C9: variants seen among roughly 807,000 people sequenced by gnomAD.
C9 encodes complement C9.
Under a neutral mutation model 65.4 loss-of-function variants are expected in C9, and 63 were observed. The observed-to-expected ratio is 0.96, with a 90% CI of 0.79 to 1.19. The LOEUF (loss-of-function observed/expected upper bound fraction) is 1.19. C9 is among the 50% of genes most tolerant of loss of function. The pLI, the probability that C9 is intolerant of heterozygous loss-of-function variation, is 0.00. For missense variants in C9, 744 were observed against 670.1 expected (o/e 1.11, Z -1.22); for synonymous variants, 229 against 227.9 (o/e 1.00, Z -0.04).
chr5:39,355,290 A>T (rs1754395308), intron 1 of C9, among the ~76,000 whole-genome samples: 1 of 152,152 alleles, frequency 6.6e-6, no homozygotes, highest in African/African-American at 2.4e-5. Context: ...TCTAGAACCC[A>T]ACCAGGGCTA....
intron 9 of C9, among the ~76,000 whole-genome samples, chr5:39,303,735 G>A (rs2111870120): frequency 6.6e-6 from 1 of 152,018 alleles, no homozygotes; most frequent in East Asian, 1.9e-4. Flanking sequence ...TCTGCATAGG[G>A]ATTTTGACAT....
At chr5:39,316,991 A>G (rs1275539945) in intron 5 of C9, among the ~76,000 whole-genome samples, 1 of 152,160 alleles carries the variant, frequency 6.6e-6, no homozygotes, top group Non-Finnish European at 1.5e-5. Flanking sequence ...CTTTTCCTCT[A>G]TAACCTTGCC....
At chr5:39,285,420 T>C (rs1752973611) in intron 10 of C9, among the ~76,000 whole-genome samples, 187 bp from the exon 11 acceptor site, 1 of 152,104 alleles carries the variant, frequency 6.6e-6, no homozygotes, top group Non-Finnish European at 1.5e-5. Context: ...CTATTTGTCT[T>C]GTATACAGAG....
In C9 at chr5:39,290,277, A is replaced by G. The variant is rs185180758; in HGVS notation, c.1417-1326T>C. On this transcript the variant is annotated intron_variant, in intron 9 of 10. Coordinates refer to ENST00000263408, the MANE Select transcript of C9 (RefSeq NM_001737.5). ...AAAAAGTTCTTATAATGGAGATATC[A>G]TAACATATACAGGGAAATTTATATG... 2.9e-3 allele frequency among the ~76,000 whole-genome samples: 444 copies of G among 152,030 alleles called. 1 individual carries two copies. The Middle Eastern group carries it at 0.034, about 12-fold the overall frequency.
At chr5:39,333,944 C>T (rs1347777923) in intron 4 of C9, among the ~76,000 whole-genome samples, 1 of 152,178 alleles carries the variant, frequency 6.6e-6, no homozygotes, top group African/African-American at 2.4e-5. Flanking sequence ...AGTGCAGTGG[C>T]GTGATCTCGG....
chr5:39,324,689 C>T (rs572588447), intron 5 of C9, among the ~76,000 whole-genome samples: 57 of 152,094 alleles, frequency 3.7e-4, no homozygotes, highest in South Asian at 2.7e-3. Context: ...TCCATCCATG[C>T]GAAAAGAAGT....
At chr5:39,291,964 G>T (rs1753104691) in intron 9 of C9, among the ~76,000 whole-genome samples, 1 of 151,724 alleles carries the variant, frequency 6.6e-6, no homozygotes, top group South Asian at 2.1e-4. Flanking sequence ...ATATGAAAGA[G>T]ACTAGCACAT....
rs769803219 is a variant in C9, at chr5:39,315,751, C to A, written c.870+24G>T. On this transcript the variant is annotated intron_variant, in intron 6 of 10. Transcript: ENST00000263408. ...GGGTAGTTTGGAACCTTTCTATATTCCTATATTAACTGTTTTGTCTTACCT... is the reference window on the plus strand; with the variant it reads ...GGGTAGTTTGGAACCTTTCTATATTACTATATTAACTGTTTTGTCTTACCT... The A allele has an allele frequency of 2.5e-5, 39 of 1,534,884 alleles. No individual in the cohort carries two copies. In the South Asian group the frequency reaches 4.3e-4, roughly 17 times the overall value.
At position 39,341,139 on chromosome 5, in the gene C9, T is replaced by C. The variant is rs1754069212; in HGVS notation, c.476+7A>G. ...TTCATCTGAAAAAGTACAAGTAAAA[T>C]ACACACCCATAGCCTGCTGTTCGTG... On this transcript the variant is annotated splice_region_variant and intron_variant, in intron 4 of 10. Coordinates refer to ENST00000263408, the MANE Select transcript of C9 (RefSeq NM_001737.5). 2 of 1,614,038 alleles carry C rather than the reference T, an allele frequency of 1.2e-6. No homozygotes were observed. Among genetic ancestry groups the C allele is most frequent in the South Asian group, 2.2e-5 (2 of 91,066 alleles).
At chr5:39,288,119 C>T (rs1243161866) in intron 10 of C9, among the ~76,000 whole-genome samples, 1 of 151,364 alleles carries the variant, frequency 6.6e-6, no homozygotes, top group Non-Finnish European at 1.5e-5. Flanking sequence ...AATTTAAAAA[C>T]ATACAAAACA....
chr5:39,289,891 A>G (rs1753058406), intron 9 of C9, among the ~76,000 whole-genome samples: 1 of 151,942 alleles, frequency 6.6e-6, no homozygotes, highest in Non-Finnish European at 1.5e-5. Context: ...CAACAAGTAA[A>G]TGAAAGGTGA....
chr5:39,306,301 A>G (rs1753375582), intron 9 of C9, among the ~76,000 whole-genome samples: 1 of 152,118 alleles, frequency 6.6e-6, no homozygotes, highest in Non-Finnish European at 1.5e-5. Context: ...CTATCTTGTT[A>G]CAGTGTGTGC....
Position 39,311,256 on chromosome 5 carries a change from T to C in C9, c.992A>G (p.Glu331Gly), listed in dbSNP as rs1261967766. ...DDIKALPTTY[E>G]KGEYFAFLET... ...CAAAAAGGCAAAATATTCTCCCTTT[T>C]CATAGGTAGTTGGCAAAGCTTTTAT... Residue 331 changes from glutamate to glycine, a missense_variant, in exon 7 of 11, where the codon GAA (glutamate) becomes GGA (glycine). Glu to Gly is a moderately conservative substitution (Grantham distance 98). Coordinates refer to ENST00000263408, the MANE Select transcript of C9 (RefSeq NM_001737.5). 2 of 1,613,862 alleles carry C rather than the reference T, an allele frequency of 1.2e-6. No homozygotes were observed. Among genetic ancestry groups the C allele is most frequent in the Non-Finnish European group, 8.5e-7 (1 of 1,179,816 alleles).
At chr5:39,296,710 T>G (rs912205030) in intron 9 of C9, among the ~76,000 whole-genome samples, 8 of 151,466 alleles carry the variant, frequency 5.3e-5, no homozygotes, top group African/African-American at 1.9e-4. Flanking sequence ...TTTTTCTTTT[T>G]AAAGAAAATA....
chr5:39,331,626 A>C, intron 5 of C9, 50 bp downstream of exon 5: 2 of 1,561,418 alleles, frequency 1.3e-6, no homozygotes, highest in Non-Finnish European at 1.8e-6. Context: ...TTATTTAAGC[A>C]ATTTTTCAGC....
chr5:39,360,102 T>G (rs1754488373), intron 1 of C9, among the ~76,000 whole-genome samples: 1 of 152,182 alleles, frequency 6.6e-6, no homozygotes, highest in Non-Finnish European at 1.5e-5. Flanking sequence ...TAATGAATGT[T>G]TGGATATTTT....
intron 1 of C9, among the ~76,000 whole-genome samples, chr5:39,357,704 G>A (rs1157254476): frequency 6.6e-6 from 1 of 152,120 alleles, no homozygotes; most frequent in Non-Finnish European, 1.5e-5. Context: ...GAATCCTCTC[G>A]CAGGTGGTGT....
chr5:39,291,345 G>T (rs1753089445), intron 9 of C9, among the ~76,000 whole-genome samples: 1 of 151,948 alleles, frequency 6.6e-6, no homozygotes, highest in African/African-American at 2.4e-5. Flanking sequence ...TTAATGAATT[G>T]CAATATAGGT....
chr5:39,363,010 C>G (rs2111996742), intron 1 of C9, among the ~76,000 whole-genome samples: 1 of 152,278 alleles, frequency 6.6e-6, no homozygotes, highest in African/African-American at 2.4e-5. Context: ...GTACGCACTT[C>G]AAAGCAATCA....
Sources: gnomAD v4.1 joint callset for allele counts (sites outside exome capture counted in the v4.1 genomes callset) on GRCh38, gnomAD v4.1.1 for gene constraint, MANE v1.5 for transcripts, NCBI Gene and HGNC (gene_info 2026-07-23, HGNC 2026-07-21) for gene names.